CLOCK: variants seen among roughly 807,000 people sequenced by gnomAD.
CLOCK encodes the protein circadian locomoter output cycles protein kaput.
A neutral mutation model predicts 118.4 loss-of-function variants in CLOCK; 43 were observed. The observed-to-expected ratio is 0.36, with a 90% CI of 0.28 to 0.47. The LOEUF (loss-of-function observed/expected upper bound fraction) is 0.47. Ranked by LOEUF, CLOCK falls within the 20% of genes least tolerant of loss-of-function variation. CLOCK has a pLI of 1.00. For synonymous variants in CLOCK, 326 were observed against 339.2 expected, an observed-to-expected ratio of 0.96 and a Z score of 0.43; for missense variants, 846 against 999.9, an observed-to-expected ratio of 0.85 and a Z score of 2.08.
intron 2 of CLOCK, among the ~76,000 whole-genome samples, chr4:55,497,035 A>T (rs1013528107): frequency 1.3e-5 from 2 of 152,208 alleles, no homozygotes; most frequent in African/African-American, 4.8e-5. Flanking sequence ...TATAAAAATT[A>T]TCACAAAGTT....
intron 8 of CLOCK, among the ~76,000 whole-genome samples, chr4:55,465,706 C>T (rs554926371): frequency 1.3e-5 from 2 of 152,214 alleles, no homozygotes; most frequent in South Asian, 4.2e-4. Context: ...AATCCCAGCA[C>T]TTTGGGAGGC....
rs1437655087 is a variant in CLOCK, at chr4:55,429,048, C to A, written c.*6367G>T. On this transcript the variant is annotated 3_prime_UTR_variant, in exon 23 of 23. Coordinates refer to ENST00000513440, the MANE Select transcript of CLOCK (RefSeq NM_004898.4). ...GCTTGAAGATGATTGTCTGGTTATA[C>A]AAGACATCAATCTGAAGGTAACAAC... is the stretch of plus-strand genomic sequence containing the variant. 1.4e-5 allele frequency: 2 copies of A among 144,224 alleles called. No individual in the cohort carries two copies. The highest frequency in any genetic ancestry group is 2.6e-5 in the African/African-American group (1 of 38,826). The allele number at this position is 144,224 out of a possible 1,614,324, so 8.9% of individuals were successfully genotyped here. A position where few individuals can be genotyped will look rare whatever the true frequency, so the allele number is the denominator to read the frequency against.
intron 2 of CLOCK, among the ~76,000 whole-genome samples, chr4:55,503,017 G>A (rs532275740): frequency 1.2e-4 from 19 of 152,174 alleles, no homozygotes; most frequent in Non-Finnish European, 2.4e-4. Context: ...TGGTGAGGAT[G>A]TAGAACAATG....
Position 55,453,699 on chromosome 4 carries a change from C to A in CLOCK, c.1108G>T (p.Val370Phe). 1 of 1,610,730 alleles carries A rather than the reference C, an allele frequency of 6.2e-7. No individual in the cohort carries two copies. Among genetic ancestry groups the A allele is most frequent in the Non-Finnish European group, 8.5e-7 (1 of 1,177,748 alleles). Residue 370 changes from valine (V) to phenylalanine (F), a missense_variant, in exon 14 of 23, where the codon GTT becomes TTT. Physicochemically the swap from Val to Phe is conservative, Grantham distance 50 (BLOSUM62 -1). Coordinates refer to ENST00000513440, the MANE Select transcript of CLOCK (RefSeq NM_004898.4). Reference sequence around the variant, plus strand: ...TACCTTACTACAGTGTGAGTACAAACAATAAACTCTGGCCTTGAATTCCAC... The same window carrying A: ...TACCTTACTACAGTGTGAGTACAAAAAATAAACTCTGGCCTTGAATTCCAC... ...HQWNSRPEFI[V>F]CTHTVVSYAE...
intron 2 of CLOCK, among the ~76,000 whole-genome samples, chr4:55,507,627 T>C (rs1372811431): frequency 6.6e-6 from 1 of 152,020 alleles, no homozygotes; most frequent in Non-Finnish European, 1.5e-5. Flanking sequence ...ATAAATAAAA[T>C]AACTTTTTAA....
intron 22 of CLOCK, among the ~76,000 whole-genome samples, chr4:55,436,984 T>C (rs1248907627): frequency 6.6e-6 from 1 of 150,994 alleles, no homozygotes; most frequent in Non-Finnish European, 1.5e-5. Flanking sequence ...AGGCAGGTCC[T>C]CTCCTTTTTT....
At chr4:55,542,376 ATAATATTATTATTATTAT>A (rs1731335051) in intron 1 of CLOCK, among the ~76,000 whole-genome samples, 2 of 51,626 alleles carry the variant, frequency 3.9e-5, no homozygotes, top group Admixed American at 2.4e-4. Context: ...AATAATAATA[ATAATATTATTATTATTAT>A]TATTATTAAT....
At chr4:55,475,716 A>AT (rs1726466358) in intron 7 of CLOCK, among the ~76,000 whole-genome samples, 1 of 152,166 alleles carries the variant, frequency 6.6e-6, no homozygotes, top group African/African-American at 2.4e-5. Context: ...GATTGTTAGC[A>AT]TTTTTTAGCA....
intron 15 of CLOCK, 108 bp downstream of exon 15, chr4:55,452,946 G>A: frequency 1.3e-6 from 1 of 786,344 alleles, no homozygotes; most frequent in Non-Finnish European, 2.1e-6. Flanking sequence ...CCCGTTATAA[G>A]TGAGGAAATA....
At chr4:55,470,838 A>G (rs763039266) in intron 7 of CLOCK, 32 bp from the exon 8 acceptor site, 2 of 1,449,694 alleles carry the variant, frequency 1.4e-6, no homozygotes, top group South Asian at 1.2e-5. Flanking sequence ...TGTTAAATGA[A>G]AAGAAAAAAG....
At chr4:55,489,672 G>A (rs1317089717) in intron 2 of CLOCK, among the ~76,000 whole-genome samples, 1 of 151,970 alleles carries the variant, frequency 6.6e-6, no homozygotes, top group Non-Finnish European at 1.5e-5. Context: ...TTCTGGTACA[G>A]AAGTTAAAAG....
At chr4:55,504,055 C>T (rs1368860838) in intron 2 of CLOCK, among the ~76,000 whole-genome samples, 4 of 140,406 alleles carry the variant, frequency 2.8e-5, no homozygotes, top group Admixed American at 1.5e-4. Flanking sequence ...GAGGCCAAGG[C>T]GGGCGGATCA....
intron 1 of CLOCK, among the ~76,000 whole-genome samples, chr4:55,519,459 G>A (rs1729721315): frequency 6.6e-6 from 1 of 152,122 alleles, no homozygotes; most frequent in Admixed American, 6.6e-5. Context: ...TTAACCAGAG[G>A]ATAATGAGTC....
chr4:55,512,561 A>T (rs1423658149), intron 1 of CLOCK, among the ~76,000 whole-genome samples: 1 of 152,172 alleles, frequency 6.6e-6, no homozygotes, highest in African/African-American at 2.4e-5. Context: ...TACCTCTCAC[A>T]GAGCAGACAT....
intron 1 of CLOCK, among the ~76,000 whole-genome samples, chr4:55,527,708 T>C (rs1730295391): frequency 6.6e-6 from 1 of 152,076 alleles, no homozygotes; most frequent in Non-Finnish European, 1.5e-5. Flanking sequence ...TAAGGAAGTA[T>C]CGTTAATTTT....
chr4:55,495,301 T>C (rs1357808934), intron 2 of CLOCK, among the ~76,000 whole-genome samples: 11 of 152,160 alleles, frequency 7.2e-5, no homozygotes, highest in Admixed American at 7.2e-4. Flanking sequence ...TTCCTCAGTA[T>C]TGTTGTTGCA....
At chr4:55,461,304 C>T (rs751892894) in intron 9 of CLOCK, among the ~76,000 whole-genome samples, 1 of 151,552 alleles carries the variant, frequency 6.6e-6, no homozygotes, top group Non-Finnish European at 1.5e-5. Context: ...AATTTTCTAC[C>T]TGAGTGATTT....
At chr4:55,459,990 T>A (rs1725217009) in intron 9 of CLOCK, among the ~76,000 whole-genome samples, 1 of 152,202 alleles carries the variant, frequency 6.6e-6, no homozygotes, top group Admixed American at 6.5e-5. Flanking sequence ...TTTGCTCACG[T>A]CTTCCATCTG....
rs1722740647 is a variant in CLOCK at position 55,434,600 on chromosome 4, A to C, written c.*815T>G. ...TATCAATAATTTAACCTGAAAAAAA[A>C]AATCCATTCCCAGCAGCACATCATA... On this transcript the variant is annotated 3_prime_UTR_variant, in exon 23 of 23. Transcript: ENST00000513440. The C allele has an allele frequency of 6.6e-6, 1 of 152,486 alleles. No individual in the cohort carries two copies. Among genetic ancestry groups the C allele is most frequent in the African/African-American group, 2.4e-5 (1 of 41,422 alleles). The allele number at this position is 152,486 out of a possible 1,614,324, so 9.4% of individuals were successfully genotyped here. A position where few individuals can be genotyped will look rare whatever the true frequency, so the allele number is the denominator to read the frequency against.
Sources: gnomAD v4.1 joint callset for allele counts (sites outside exome capture counted in the v4.1 genomes callset) on GRCh38, gnomAD v4.1.1 for gene constraint, MANE v1.5 for transcripts, NCBI Gene and HGNC (gene_info 2026-07-23, HGNC 2026-07-21) for gene names.